Variants in AQP8 observed in about 807,000 individuals in gnomAD.
The protein encoded by AQP8 is aquaporin-8.
In AQP8, 14 loss-of-function variants were observed where a neutral mutation model predicts 26.1. That is an observed-to-expected ratio of 0.54 (90% CI 0.35 to 0.84). AQP8 has a LOEUF of 0.84. AQP8 is among the 40% of genes least tolerant of loss of function. AQP8 has a pLI of 0.01. For synonymous variants in AQP8, 131 were observed against 150.7 expected (o/e 0.87, Z 0.96); for missense variants, 301 against 340.5 (o/e 0.88, Z 0.91).
At chr16:25,221,630 T>C in intron 3 of AQP8, 47 bp downstream of exon 3, 1 of 1,609,884 alleles carries the variant, frequency 6.2e-7, no homozygotes, top group Non-Finnish European at 8.5e-7. Flanking sequence ...CTGATGGGGC[T>C]GCTGGAGGTG....
At chr16:25,225,499 C>T (rs1445872462) in intron 4 of AQP8, among the ~76,000 whole-genome samples, 1 of 151,582 alleles carries the variant, frequency 6.6e-6, no homozygotes, top group Non-Finnish European at 1.5e-5. Flanking sequence ...CTCCGCTTCC[C>T]GGGTTCACGC....
Position 25,216,973 on chromosome 16 carries a change from A to G in AQP8, c.-73A>G, listed in dbSNP as rs1962493273. The G allele has an allele frequency of 6.2e-7, 1 of 1,603,718 alleles. No homozygotes were observed. Among genetic ancestry groups the G allele is most frequent in the Non-Finnish European group, 8.5e-7 (1 of 1,173,862 alleles). ...GCAGGTCCTGTCCCTAGGAGATAAGAGTATCTTGCACAGCAGGTGCAGGTT... is the reference window on the plus strand; with the variant it reads ...GCAGGTCCTGTCCCTAGGAGATAAGGGTATCTTGCACAGCAGGTGCAGGTT... On this transcript the variant is annotated 5_prime_UTR_variant, in exon 1 of 6. Coordinates refer to ENST00000219660, the MANE Select transcript of AQP8 (RefSeq NM_001169.3).
chr16:25,224,693 A>C (rs1461809492), intron 4 of AQP8, 117 bp downstream of exon 4: 2 of 1,080,708 alleles, frequency 1.9e-6, no homozygotes, highest in East Asian at 2.6e-5. Flanking sequence ...AAGGTGCTGC[A>C]AATGGGGAGG....
At chr16:25,219,699 C>G (rs1443438578) in intron 2 of AQP8, among the ~76,000 whole-genome samples, 1 of 151,296 alleles carries the variant, frequency 6.6e-6, no homozygotes, top group Non-Finnish European at 1.5e-5. Flanking sequence ...CTGGCTGCCC[C>G]TCTTCCCAAC....
At chr16:25,221,097 G>A (rs1415717599) in intron 2 of AQP8, among the ~76,000 whole-genome samples, 3 of 152,192 alleles carry the variant, frequency 2.0e-5, no homozygotes, top group East Asian at 1.9e-4. Flanking sequence ...CCGCTCTTGG[G>A]CTACTAACTT....
At chr16:25,226,161 TA>T (rs1166585141) in intron 4 of AQP8, among the ~76,000 whole-genome samples, 1 of 152,242 alleles carries the variant, frequency 6.6e-6, no homozygotes, top group Non-Finnish European at 1.5e-5. Flanking sequence ...ATGCAATGCA[TA>T]ATTATCACAT....
In AQP8 at chr16:25,222,100, C is replaced by G. The variant is rs535780684; in HGVS notation, c.387+517C>G. ...TTTATTTTAGAGATAGGGTCTCACT[C>G]TGTTGTCCAGGCTGGAGTGTGGTGG... On this transcript the variant is annotated intron_variant, in intron 3 of 5. Transcript: ENST00000219660. Among the ~76,000 whole-genome samples the G allele has an allele frequency of 3.7e-4, 56 of 151,730 alleles. No individual in the cohort carries two copies. In the East Asian group the frequency reaches 4.3e-3, roughly 12 times the overall value.
In AQP8 at chr16:25,222,677, G is replaced by T. The variant is rs534320139; in HGVS notation, c.387+1094G>T. 1.9e-3 allele frequency among the ~76,000 whole-genome samples: 288 copies of T among 151,846 alleles called. 1 individual carries two copies. Among genetic ancestry groups the T allele is most frequent in the Admixed American group, 5.0e-3 (77 of 15,258 alleles). ...GATGTGGGCCTTGCTTGGTGTGTGTGTGGGGGGTGGTGGATGGGGGAGCTC... is the reference window on the plus strand; with the variant it reads ...GATGTGGGCCTTGCTTGGTGTGTGTTTGGGGGGTGGTGGATGGGGGAGCTC... On this transcript the variant is annotated intron_variant, in intron 3 of 5. Transcript: ENST00000219660.
rs2287798 is a variant in AQP8, at chr16:25,228,484, G to T, written c.778G>T (p.Ala260Ser). 2.4e-5 allele frequency: 38 copies of T among 1,613,582 alleles called. No individual in the cohort carries two copies. The Middle Eastern group carries it at 4.9e-4, about 21-fold the overall frequency. ...TGGGAAGACCCGCCTCATCCTGAAG[G>T]CTCGGTGAAGCAGAGCTCGTGGGAT... Reference protein sequence around the residue: ...GDGKTRLILKAR With the variant: ...GDGKTRLILKSR Residue 260 changes from alanine to serine, a missense_variant, in exon 6 of 6, where the codon GCT (alanine) becomes TCT (serine). Coordinates refer to ENST00000219660, the MANE Select transcript of AQP8 (RefSeq NM_001169.3).
chr16:25,218,925 C>G (rs1173762187), intron 2 of AQP8, among the ~76,000 whole-genome samples: 6 of 151,278 alleles, frequency 4.0e-5, no homozygotes, highest in African/African-American at 7.3e-5. Context: ...AACCACATCT[C>G]TTTAGACGTC....
At chr16:25,220,261 TA>T (rs1962543304) in intron 2 of AQP8, among the ~76,000 whole-genome samples, 1 of 152,108 alleles carries the variant, frequency 6.6e-6, no homozygotes, top group Non-Finnish European at 1.5e-5. Context: ...CTCTTTACAT[TA>T]GGGGGGCACT....
At position 25,227,227 on chromosome 16, in the gene AQP8, G is replaced by A. The variant is rs377760895; in HGVS notation, c.737+25G>A. ...GGTAGGAGTGTGACACAGGGTCACC[G>A]GCCCATTGGATGGGCACTTGGCAAC... is the stretch of plus-strand genomic sequence containing the variant. On this transcript the variant is annotated intron_variant, in intron 5 of 5. Coordinates refer to ENST00000219660, the MANE Select transcript of AQP8 (RefSeq NM_001169.3). 4.0e-5 allele frequency: 64 copies of A among 1,613,312 alleles called. No homozygotes were observed. In the African/African-American group the frequency reaches 4.7e-4, roughly 12 times the overall value.
At chr16:25,223,573 T>A (rs1315918818) in intron 3 of AQP8, among the ~76,000 whole-genome samples, 2 of 151,836 alleles carry the variant, frequency 1.3e-5, no homozygotes, top group Non-Finnish European at 2.9e-5. Context: ...GTGGGCATGG[T>A]TGGTATGTAC....
chr16:25,224,591 G>A lies in AQP8; in HGVS notation c.602+15G>A, dbSNP rs768224060. ...ATCCTGGCTGGGTGAGTGTCCCTTG[G>A]CAGTGGGGTGACCATGCCCAGATCT... On this transcript the variant is annotated intron_variant, in intron 4 of 5. Transcript: ENST00000219660. 6.2e-7 allele frequency: 1 copy of A among 1,604,638 alleles called. No individual in the cohort carries two copies. Among genetic ancestry groups the A allele is most frequent in the East Asian group, 2.2e-5 (1 of 44,840 alleles).
At position 25,221,919 on chromosome 16, in the gene AQP8, C is replaced by G. The variant is rs987592161; in HGVS notation, c.387+336C>G. ...AGTAACTGGGATTACAGGCGCATGCCACCATGCCCAGCTAATTTTTGTATT... is the reference window on the plus strand; with the variant it reads ...AGTAACTGGGATTACAGGCGCATGCGACCATGCCCAGCTAATTTTTGTATT... On this transcript the variant is annotated intron_variant, in intron 3 of 5. Transcript: ENST00000219660. Among the ~76,000 whole-genome samples the G allele has an allele frequency of 6.6e-5, 10 of 152,158 alleles. No homozygotes were observed. The South Asian group carries it at 1.5e-3, about 22-fold the overall frequency.
intron 2 of AQP8, 50 bp from the exon 3 acceptor site, chr16:25,221,407 C>A: frequency 1.3e-6 from 2 of 1,597,584 alleles, no homozygotes; most frequent in South Asian, 1.1e-5. Flanking sequence ...AAGTGCCAGC[C>A]ATGTGGTCAG....
chr16:25,223,858 G>A (rs556674936), intron 3 of AQP8, among the ~76,000 whole-genome samples: 172 of 144,640 alleles, frequency 1.2e-3, no homozygotes, highest in Non-Finnish European at 1.9e-3. Context: ...ACGGAGTCTT[G>A]CTCTGTTGTT....
At chr16:25,217,558 G>T (rs1329877128) in intron 2 of AQP8, 113 bp downstream of exon 2, 3 of 1,432,624 alleles carry the variant, frequency 2.1e-6, no homozygotes, top group Non-Finnish European at 2.8e-6. Flanking sequence ...TTCAAGGAGC[G>T]CTCTGGATAA....
At chr16:25,223,189 G>T (rs907063583) in intron 3 of AQP8, among the ~76,000 whole-genome samples, 2 of 152,234 alleles carry the variant, frequency 1.3e-5, no homozygotes, top group Non-Finnish European at 2.9e-5. Flanking sequence ...GTTCAGACGT[G>T]CCTGTAAGCA....
Sources: allele counts gnomAD v4.1 joint callset (sites outside exome capture counted in the v4.1 genomes callset), GRCh38; gene constraint gnomAD v4.1.1; transcripts MANE v1.5; gene names NCBI Gene and HGNC (gene_info 2026-07-23, HGNC 2026-07-21).